TMEM132D: variants seen among roughly 807,000 people sequenced by gnomAD.
TMEM132D encodes transmembrane protein 132D, also known as mature OL transmembrane protein.
In TMEM132D, 21 loss-of-function variants were observed where a neutral mutation model predicts 62.3. That is an observed-to-expected ratio of 0.34 (90% CI 0.24 to 0.49). The LOEUF is 0.49. TMEM132D is among the 20% of genes least tolerant of loss of function. The pLI, the probability that TMEM132D is intolerant of heterozygous loss-of-function variation, is 0.99. For synonymous variants in TMEM132D, 621 were observed against 575.6 expected, an observed-to-expected ratio of 1.08 and a Z score of -1.13; for missense variants, 1,346 against 1,402.8, an observed-to-expected ratio of 0.96 and a Z score of 0.65.
intron 5 of TMEM132D, among the ~76,000 whole-genome samples, chr12:129,096,955 G>A (rs932877024): frequency 2.6e-4 from 18 of 68,568 alleles, no homozygotes; most frequent in African/African-American, 1.7e-3. Flanking sequence ...CCTCAAAACC[G>A]TCCATGTGGC....
In TMEM132D at chr12:129,326,041, C is replaced by A. The variant is rs183933542; in HGVS notation, c.1299+11593G>T. Among the ~76,000 whole-genome samples, 367 of 152,298 alleles carry A rather than the reference C, an allele frequency of 2.4e-3. 2 individuals carry two copies. Among genetic ancestry groups the A allele is most frequent in the African/African-American group, 8.4e-3 (349 of 41,558 alleles). ...AAGGCTACACCATCGGGAGGCTTCG[C>A]TCATGACAGGGATTAACAGGCTCGG... On this transcript the variant is annotated intron_variant, in intron 4 of 8. Coordinates refer to ENST00000422113, the MANE Select transcript of TMEM132D (RefSeq NM_133448.3).
chr12:129,547,498 C>T (rs1876770026), intron 2 of TMEM132D, among the ~76,000 whole-genome samples: 1 of 152,182 alleles, frequency 6.6e-6, no homozygotes, highest in African/African-American at 2.4e-5. Context: ...GAGAAGGTCA[C>T]ATTCACAGGT....
At chr12:129,344,256 G>A (rs1869610506) in intron 3 of TMEM132D, among the ~76,000 whole-genome samples, 2 of 152,102 alleles carry the variant, frequency 1.3e-5, no homozygotes, top group African/African-American at 4.8e-5. Context: ...ACATATTTCT[G>A]GTGACCACAG....
intron 1 of TMEM132D, among the ~76,000 whole-genome samples, chr12:129,866,315 C>G (rs1191321722): frequency 6.6e-6 from 1 of 151,958 alleles, no homozygotes; most frequent in Non-Finnish European, 1.5e-5. Flanking sequence ...AAGCAGGAAA[C>G]CATCACTCTC....
intron 1 of TMEM132D, among the ~76,000 whole-genome samples, chr12:129,825,312 C>A (rs983459434): frequency 6.6e-6 from 1 of 152,082 alleles, no homozygotes; most frequent in African/African-American, 2.4e-5. Context: ...AGCCACTGCG[C>A]CCGGCCCAGT....
intron 4 of TMEM132D, chr12:129,262,636 G>A (rs1165533276): frequency 6.6e-6 from 1 of 152,190 alleles, no homozygotes; most frequent in Non-Finnish European, 1.5e-5. Flanking sequence ...ATACTGATGA[G>A]TAATTCCAAC....
At chr12:129,729,705 A>T (rs1869158887) in intron 1 of TMEM132D, among the ~76,000 whole-genome samples, 1 of 152,124 alleles carries the variant, frequency 6.6e-6, no homozygotes, top group Non-Finnish European at 1.5e-5. Context: ...TAGAGCTATG[A>T]CTTTGAGTTG....
rs538960078 is a variant in TMEM132D at position 129,301,116 on chromosome 12, G to T, written c.1299+36518C>A. On this transcript the variant is annotated intron_variant, in intron 4 of 8. Coordinates refer to ENST00000422113, the MANE Select transcript of TMEM132D (RefSeq NM_133448.3). ...GTTTAGGATGCAAACACTTTGAGGG[G>T]TTGCTATTTAGTCTATCACTGTCCC... is the stretch of plus-strand genomic sequence containing the variant. 2.3e-4 allele frequency among the ~76,000 whole-genome samples: 35 copies of T among 152,248 alleles called. No homozygotes were observed. The South Asian group carries it at 3.9e-3, about 17-fold the overall frequency.
intron 4 of TMEM132D, among the ~76,000 whole-genome samples, chr12:129,289,375 C>A (rs1424345384): frequency 6.6e-6 from 1 of 151,650 alleles, no homozygotes; most frequent in Admixed American, 6.6e-5. Context: ...GAAACTCCGT[C>A]TCTACTAAAA....
chr12:129,612,539 T>G (rs1878804085), intron 2 of TMEM132D, among the ~76,000 whole-genome samples: 1 of 152,208 alleles, frequency 6.6e-6, no homozygotes, highest in Admixed American at 6.5e-5. Context: ...AGACTTACTC[T>G]TACAGGCTTA....
chr12:129,842,451 T>C (rs1476122226), intron 1 of TMEM132D, among the ~76,000 whole-genome samples: 1 of 137,250 alleles, frequency 7.3e-6, no homozygotes, highest in Non-Finnish European at 1.6e-5. Flanking sequence ...GGCAGAAATA[T>C]TTCTTTTTTT....
In TMEM132D at chr12:129,356,968, C is replaced by T. The variant is rs570928690; in HGVS notation, c.1116-19151G>A. On this transcript the variant is annotated intron_variant, in intron 3 of 8. Transcript: ENST00000422113. ...AGGGGAGGGGAGGGGAGGGCAAGGCCGGGCCTGATGGCTCACGTCTGTAAT... is the reference window on the plus strand; with the variant it reads ...AGGGGAGGGGAGGGGAGGGCAAGGCTGGGCCTGATGGCTCACGTCTGTAAT... 7.1e-4 allele frequency among the ~76,000 whole-genome samples: 99 copies of T among 138,724 alleles called. 1 individual carries two copies. The highest frequency in any genetic ancestry group is 2.9e-3 in the African/African-American group (98 of 33,872). 91.0% of individuals were successfully genotyped at this position (138,724 alleles called of 152,430 possible).
At chr12:129,464,059 C>A (rs1255277500) in intron 3 of TMEM132D, among the ~76,000 whole-genome samples, 1 of 150,678 alleles carries the variant, frequency 6.6e-6, no homozygotes, top group East Asian at 1.9e-4. Context: ...CACTGACTTC[C>A]ACAATGGTTG....
At chr12:129,885,749 A>G (rs1328389269) in intron 1 of TMEM132D, among the ~76,000 whole-genome samples, 1 of 152,220 alleles carries the variant, frequency 6.6e-6, no homozygotes, top group East Asian at 1.9e-4. Flanking sequence ...AAATCTTGAC[A>G]TTTTAAAATG....
intron 1 of TMEM132D, among the ~76,000 whole-genome samples, chr12:129,892,535 T>C (rs549789919): frequency 6.6e-6 from 1 of 152,276 alleles, no homozygotes; most frequent in Admixed American, 6.5e-5. Flanking sequence ...CCTCTCCTCC[T>C]CCTCGTTTTT....
At chr12:129,389,857 C>T (rs60861574) in intron 3 of TMEM132D, among the ~76,000 whole-genome samples, 13,923 of 152,146 alleles carry the variant, frequency 0.092, 841 homozygotes, top group African/African-American at 0.17. Context: ...TTGTCCAAGG[C>T]CAAATAGCTG....
intron 1 of TMEM132D, among the ~76,000 whole-genome samples, chr12:129,744,649 G>A (rs1315357635): frequency 6.6e-6 from 1 of 152,068 alleles, no homozygotes; most frequent in Admixed American, 6.6e-5. Context: ...CACACACCCT[G>A]GACTGAGTAA....
chr12:129,366,134 G>A (rs189230204), intron 3 of TMEM132D, among the ~76,000 whole-genome samples: 124 of 151,750 alleles, frequency 8.2e-4, no homozygotes, highest in African/African-American at 2.5e-3. Flanking sequence ...ACACTCACCC[G>A]GATATTATCA....
intron 3 of TMEM132D, among the ~76,000 whole-genome samples, chr12:129,359,402 A>C (rs1235031536): frequency 6.6e-6 from 1 of 152,234 alleles, no homozygotes; most frequent in Non-Finnish European, 1.5e-5. Flanking sequence ...CTAAAATGGC[A>C]AATTTTAAGG....
Sources: gnomAD v4.1 joint callset for allele counts (sites outside exome capture counted in the v4.1 genomes callset) on GRCh38, gnomAD v4.1.1 for gene constraint, MANE v1.5 for transcripts, NCBI Gene and HGNC (gene_info 2026-07-23, HGNC 2026-07-21) for gene names.